Variants in NTNG1 observed in about 807,000 individuals in gnomAD.
The protein encoded by NTNG1 is netrin-G1.
Under a neutral mutation model 54.0 loss-of-function variants are expected in NTNG1, and 16 were observed. That is an observed-to-expected ratio of 0.30 (90% CI 0.20 to 0.45). The LOEUF is 0.45. Among genes scored for constraint, NTNG1 ranks in the 20% least tolerant of loss-of-function variants. The pLI, the probability that NTNG1 is intolerant of heterozygous loss-of-function variation, is 1.00. For missense variants in NTNG1, 530 were observed against 678.7 expected (o/e 0.78, Z 2.43); for synonymous variants, 255 against 263.1 (o/e 0.97, Z 0.30).
chr1:107,331,165 T>C (rs1213802236), intron 3 of NTNG1, among the ~76,000 whole-genome samples: 1 of 152,074 alleles, frequency 6.6e-6, no homozygotes, highest in Non-Finnish European at 1.5e-5. Context: ...AATCAGGTTT[T>C]TCACGGCAAA....
chr1:107,256,883 C>T (rs934614449), intron 2 of NTNG1, among the ~76,000 whole-genome samples: 2 of 152,180 alleles, frequency 1.3e-5, no homozygotes, highest in South Asian at 2.1e-4. Context: ...ACTTTATGCC[C>T]TTCCTATACC....
Position 107,181,250 on chromosome 1 carries a change from A to G in NTNG1, c.246+32411A>G, listed in dbSNP as rs1657038432. On this transcript the variant is annotated intron_variant, in intron 2 of 7. Coordinates refer to ENST00000370068, the MANE Select transcript of NTNG1 (RefSeq NM_001113226.3). ...GAGCTGCTTTCTTAGAAAACTAGAG[A>G]CAATGACAGTGAGTTCTAAATAAAA... Among the ~76,000 whole-genome samples the G allele has an allele frequency of 2.0e-5, 3 of 152,216 alleles. No individual in the cohort carries two copies. In the South Asian group the frequency reaches 6.2e-4, roughly 32 times the overall value.
intron 7 of NTNG1, among the ~76,000 whole-genome samples, chr1:107,439,560 T>C (rs997635678): frequency 8.5e-5 from 13 of 152,164 alleles, no homozygotes; most frequent in African/African-American, 3.1e-4. Flanking sequence ...AGATTTGATA[T>C]ATAAATTTAA....
intron 5 of NTNG1, chr1:107,408,468 A>G (rs1202649332): frequency 2.0e-5 from 3 of 152,462 alleles, no homozygotes; most frequent in African/African-American, 7.2e-5. Context: ...CCATCTGTAG[A>G]ACACTTCCCC....
At chr1:107,371,325 A>T (rs906672460) in intron 3 of NTNG1, among the ~76,000 whole-genome samples, 1 of 152,106 alleles carries the variant, frequency 6.6e-6, no homozygotes, top group Non-Finnish European at 1.5e-5. Context: ...TTACTTAGTC[A>T]TCATGTATTA....
intron 2 of NTNG1, among the ~76,000 whole-genome samples, chr1:107,193,979 G>A (rs561113612): frequency 2.2e-4 from 33 of 152,048 alleles, no homozygotes; most frequent in Admixed American, 3.3e-4. Context: ...TCAGGTCCCT[G>A]AATTCTTGCC....
intron 2 of NTNG1, among the ~76,000 whole-genome samples, chr1:107,307,466 A>G (rs1666760898): frequency 1.3e-5 from 2 of 152,324 alleles, no homozygotes; most frequent in South Asian, 2.1e-4. Flanking sequence ...CTCTTTTTAA[A>G]TATTAGTTCA....
rs916899027 is a variant in NTNG1 at position 107,437,634 on chromosome 1, G to A, written c.1390+835G>A. Among the ~76,000 whole-genome samples, 72 of 152,110 alleles carry A rather than the reference G, an allele frequency of 4.7e-4. 1 individual carries two copies. Among genetic ancestry groups the A allele is most frequent in the Non-Finnish European group, 1.6e-4 (11 of 68,034 alleles). The stretch of plus-strand genomic sequence containing the variant: ...ATAGAAAATCAAGCAAGCCACATAT[G>A]TAATTTTAGATGCTTTTGCTTTCCA... On this transcript the variant is annotated intron_variant, in intron 7 of 7. Transcript: ENST00000370068.
chr1:107,414,883 A>C (rs1674096660), intron 5 of NTNG1, among the ~76,000 whole-genome samples: 1 of 152,162 alleles, frequency 6.6e-6, no homozygotes, highest in South Asian at 2.1e-4. Context: ...CGGACTTTTA[A>C]CCCAGCCTGA....
intron 4 of NTNG1, among the ~76,000 whole-genome samples, chr1:107,396,926 GTTC>G (rs1672721081): frequency 6.6e-6 from 1 of 152,148 alleles, no homozygotes; most frequent in East Asian, 1.9e-4. Context: ...ACGTGACCTT[GTTC>G]TTCTACCCGT....
chr1:107,331,697 G>C (rs12058361), intron 3 of NTNG1, among the ~76,000 whole-genome samples: 8,273 of 152,006 alleles, frequency 0.054, 741 homozygotes, highest in African/African-American at 0.19. Context: ...AACTACCTTC[G>C]CTTATTTTAA....
chr1:107,478,245 C>G (rs1678461074), intron 7 of NTNG1, among the ~76,000 whole-genome samples: 3 of 152,048 alleles, frequency 2.0e-5, no homozygotes, highest in Admixed American at 6.6e-5. Flanking sequence ...AATCAAGAGA[C>G]CAAATGTAAT....
At chr1:107,235,658 A>G (rs1661359859) in intron 2 of NTNG1, among the ~76,000 whole-genome samples, 1 of 152,316 alleles carries the variant, frequency 6.6e-6, no homozygotes, top group Non-Finnish European at 1.5e-5. Flanking sequence ...CTCCACAGTA[A>G]TAGACTTTAT....
At chr1:107,475,887 T>A (rs113746317) in intron 7 of NTNG1, among the ~76,000 whole-genome samples, 1 of 152,130 alleles carries the variant, frequency 6.6e-6, no homozygotes, top group East Asian at 1.9e-4. Flanking sequence ...AAAAAAAATG[T>A]CTCCAGACAT....
chr1:107,273,067 T>G (rs906443431), intron 2 of NTNG1, among the ~76,000 whole-genome samples: 1 of 152,230 alleles, frequency 6.6e-6, no homozygotes, highest in African/African-American at 2.4e-5. Context: ...AGGAATCAAA[T>G]GCATATCTAT....
At chr1:107,418,285 T>G (rs765208149) in intron 5 of NTNG1, among the ~76,000 whole-genome samples, 18 of 152,120 alleles carry the variant, frequency 1.2e-4, no homozygotes, top group Non-Finnish European at 2.6e-4. Flanking sequence ...TGGTTTGGAT[T>G]GCTGAAGTCC....
chr1:107,268,483 CA>C (rs1471902514), intron 2 of NTNG1, among the ~76,000 whole-genome samples: 25 of 78,612 alleles, frequency 3.2e-4, no homozygotes, highest in African/African-American at 8.1e-4. Flanking sequence ...TGTCTCTCAT[CA>C]TATTTTTTTT....
intron 2 of NTNG1, among the ~76,000 whole-genome samples, chr1:107,297,011 C>T (rs1350650246): frequency 1.3e-5 from 2 of 148,592 alleles, no homozygotes; most frequent in African/African-American, 4.9e-5. Flanking sequence ...AATCATTTTG[C>T]TGTTGCCTTT....
At chr1:107,464,300 T>TA (rs1446989518) in intron 7 of NTNG1, among the ~76,000 whole-genome samples, 2 of 152,204 alleles carry the variant, frequency 1.3e-5, no homozygotes, top group Middle Eastern at 3.2e-3. Context: ...TAAAGATGGA[T>TA]AATCAGTCAC....
Sources: allele counts gnomAD v4.1 joint callset (sites outside exome capture counted in the v4.1 genomes callset), GRCh38; gene constraint gnomAD v4.1.1; transcripts MANE v1.5; gene names NCBI Gene and HGNC (gene_info 2026-07-23, HGNC 2026-07-21).